Variants in GOLM2 observed in about 807,000 individuals in gnomAD.
GOLM2 encodes the protein golgi membrane protein 2.
A neutral mutation model predicts 55.9 loss-of-function variants in GOLM2; 26 were observed. The ratio of observed to expected loss-of-function variants is 0.47; its 90% CI spans 0.34 to 0.65. The LOEUF is 0.65. Among genes scored for constraint, GOLM2 ranks in the 30% least tolerant of loss-of-function variants. The pLI, the probability that GOLM2 is intolerant of heterozygous loss-of-function variation, is 0.01. For synonymous variants in GOLM2, 165 were observed against 194.6 expected, an observed-to-expected ratio of 0.85 and a Z score of 1.27; for missense variants, 486 against 531.8, an observed-to-expected ratio of 0.91 and a Z score of 0.85.
intron 1 of GOLM2, among the ~76,000 whole-genome samples, chr15:44,301,769 G>A (rs571483765): frequency 6.6e-6 from 1 of 151,988 alleles, no homozygotes; most frequent in Non-Finnish European, 1.5e-5. Context: ...GATATCAGCC[G>A]GGTATGGTGC....
At chr15:44,377,027 C>T (rs1319993786) in intron 6 of GOLM2, among the ~76,000 whole-genome samples, 1 of 152,088 alleles carries the variant, frequency 6.6e-6, no homozygotes, top group Non-Finnish European at 1.5e-5. Flanking sequence ...TTTCTTATGT[C>T]AGTAAAAGTC....
intron 6 of GOLM2, among the ~76,000 whole-genome samples, chr15:44,374,461 C>A (rs1465948519): frequency 6.6e-6 from 1 of 151,188 alleles, no homozygotes; most frequent in East Asian, 1.9e-4. Context: ...CCAGCCTGGG[C>A]AATATAGTGA....
intron 1 of GOLM2, among the ~76,000 whole-genome samples, chr15:44,313,146 G>A (rs1172218876): frequency 6.6e-6 from 1 of 152,192 alleles, no homozygotes; most frequent in Admixed American, 6.5e-5. Flanking sequence ...CTACTTGGGA[G>A]GCTGAGGCAG....
chr15:44,362,766 G>A (rs2079250987), intron 6 of GOLM2, among the ~76,000 whole-genome samples: 1 of 152,196 alleles, frequency 6.6e-6, no homozygotes, highest in South Asian at 2.1e-4. Flanking sequence ...CAAAGCTAGA[G>A]GCATCATGCT....
rs563728939 is a variant in GOLM2 at position 44,360,087 on chromosome 15, G to A, written c.803-19603G>A. 1.3e-3 allele frequency among the ~76,000 whole-genome samples: 200 copies of A among 152,154 alleles called. 1 individual carries two copies. The highest frequency in any genetic ancestry group is 4.6e-3 in the African/African-American group (191 of 41,498). On this transcript the variant is annotated intron_variant, in intron 6 of 9. Transcript: ENST00000299957. ...TGGAAAGGAACAACCACTACCAGCCGCTGCAAAATCATGCCAAAATGTAAA... is the reference window on the plus strand; with the variant it reads ...TGGAAAGGAACAACCACTACCAGCCACTGCAAAATCATGCCAAAATGTAAA...
chr15:44,306,087 G>A (rs1248049644), intron 1 of GOLM2, among the ~76,000 whole-genome samples: 1 of 152,186 alleles, frequency 6.6e-6, no homozygotes, highest in African/African-American at 2.4e-5. Flanking sequence ...GAATCAGCCT[G>A]TCCTTTGAAG....
chr15:44,370,442 A>G (rs2079322384), intron 6 of GOLM2, among the ~76,000 whole-genome samples: 1 of 152,158 alleles, frequency 6.6e-6, no homozygotes. Context: ...GTGCTCCTAT[A>G]GTCCCAACTA....
intron 1 of GOLM2, among the ~76,000 whole-genome samples, chr15:44,296,328 C>T (rs1230823962): frequency 6.6e-6 from 1 of 151,996 alleles, no homozygotes; most frequent in East Asian, 1.9e-4. Context: ...TAGAAAAAGT[C>T]CTCAAAATTG....
intron 1 of GOLM2, among the ~76,000 whole-genome samples, chr15:44,299,811 T>G (rs1291836118): frequency 6.6e-6 from 1 of 150,900 alleles, no homozygotes; most frequent in East Asian, 1.9e-4. Context: ...TAGCTAATCT[T>G]GAAGAAATTT....
chr15:44,338,420 G>A, intron 6 of GOLM2, 103 bp downstream of exon 6: 1 of 798,106 alleles, frequency 1.3e-6, no homozygotes, highest in Non-Finnish European at 2.0e-6. Flanking sequence ...CAGATATCTG[G>A]ATGATCGATA....
chr15:44,398,217 A>G (rs1356649858), intron 8 of GOLM2, among the ~76,000 whole-genome samples: 1 of 152,402 alleles, frequency 6.6e-6, no homozygotes, highest in East Asian at 1.9e-4. Flanking sequence ...AGCAGTGTGC[A>G]ATAGCACACG....
intron 6 of GOLM2, among the ~76,000 whole-genome samples, chr15:44,375,352 A>G (rs1039239642): frequency 2.0e-5 from 3 of 152,144 alleles, no homozygotes; most frequent in Non-Finnish European, 4.4e-5. Context: ...TTGTCATGAT[A>G]TTGTTTGCAG....
chr15:44,399,386 G>C (rs907798813), intron 8 of GOLM2, among the ~76,000 whole-genome samples: 14 of 152,168 alleles, frequency 9.2e-5, no homozygotes, highest in Admixed American at 4.6e-4. Context: ...TTCTCCAAAC[G>C]TGATAATTCT....
Position 44,363,212 on chromosome 15 carries a change from G to C in GOLM2, c.803-16478G>C, listed in dbSNP as rs147316414. On this transcript the variant is annotated intron_variant, in intron 6 of 9. Transcript: ENST00000299957. ...ACAAATGGGATCTAGTTAAACTAAA[G>C]AGCTTCTGCACAGCAAAAGAAACTA... 9.5e-3 allele frequency among the ~76,000 whole-genome samples: 1,446 copies of C among 152,192 alleles called. 20 individuals are homozygous for C. The highest frequency in any genetic ancestry group is 0.033 in the African/African-American group (1,350 of 41,518).
chr15:44,319,579 T>C (rs2078935294), intron 1 of GOLM2, among the ~76,000 whole-genome samples: 1 of 151,888 alleles, frequency 6.6e-6, no homozygotes, highest in Non-Finnish European at 1.5e-5. Context: ...GTTTGTTTGG[T>C]TGGTTTTGTT....
At position 44,379,793 on chromosome 15, in the gene GOLM2, G is replaced by A; in HGVS notation, c.901+5G>A. 1 of 1,552,526 alleles carries A rather than the reference G, an allele frequency of 6.4e-7. No individual in the cohort carries two copies. The highest frequency in any genetic ancestry group is 8.9e-7 in the Non-Finnish European group (1 of 1,124,590). ...TCTCCCCAAATATGCCTCCAGGTAT[G>A]AAGGCTTATGCTTATAATTCCATTT... On this transcript the variant is annotated splice_donor_5th_base_variant and intron_variant, in intron 7 of 9. Coordinates refer to ENST00000299957, the MANE Select transcript of GOLM2 (RefSeq NM_138423.4).
intron 6 of GOLM2, among the ~76,000 whole-genome samples, chr15:44,357,011 A>G (rs2079202581): frequency 6.6e-6 from 1 of 152,070 alleles, no homozygotes; most frequent in Admixed American, 6.6e-5. Context: ...TCTCTATAAA[A>G]AAATACAAAA....
At chr15:44,407,019 G>A (rs1241870074) in intron 9 of GOLM2, 1 of 148,130 alleles carries the variant, frequency 6.8e-6, no homozygotes, top group African/African-American at 2.5e-5. Flanking sequence ...TTTTTCCTGT[G>A]TTTACAATTA....
intron 8 of GOLM2, among the ~76,000 whole-genome samples, chr15:44,395,070 T>G (rs1595665721): frequency 6.6e-6 from 1 of 151,634 alleles, no homozygotes. Context: ...AGTGCAGTGG[T>G]GCAATCTTGG....
Sources: gnomAD v4.1 joint callset for allele counts (sites outside exome capture counted in the v4.1 genomes callset) on GRCh38, gnomAD v4.1.1 for gene constraint, MANE v1.5 for transcripts, NCBI Gene and HGNC (gene_info 2026-07-23, HGNC 2026-07-21) for gene names.